Variants in EMP2 observed in about 807,000 individuals in gnomAD.
EMP2 encodes the protein epithelial membrane protein 2.
In EMP2, 19 loss-of-function variants were observed where a neutral mutation model predicts 13.7. The ratio of observed to expected loss-of-function variants is 1.38; its 90% CI spans 0.97 to 2.03. The LOEUF (loss-of-function observed/expected upper bound fraction) is 2.03, where lower values mean the gene tolerates loss of function less well. Among genes scored for constraint, EMP2 ranks in the 30% most tolerant of loss-of-function variants. The pLI, the probability that EMP2 is intolerant of heterozygous loss-of-function variation, is 0.00. For missense variants in EMP2, 253 were observed against 220.7 expected, an observed-to-expected ratio of 1.15 and a Z score of -0.93; for synonymous variants, 97 against 84.7, an observed-to-expected ratio of 1.15 and a Z score of -0.80.
At chr16:10,579,708 GCACACACACACACACA>G (rs71133370) in intron 1 of EMP2, among the ~76,000 whole-genome samples, 1 of 146,668 alleles carries the variant, frequency 6.8e-6, no homozygotes, top group African/African-American at 2.6e-5. Flanking sequence ...AGATCAAGGT[GCACACACACACACACA>G]CACACACACA....
At chr16:10,558,250 C>T (rs1366053116) in intron 1 of EMP2, among the ~76,000 whole-genome samples, 1 of 152,128 alleles carries the variant, frequency 6.6e-6, no homozygotes, top group East Asian at 1.9e-4. Context: ...TGGTCTCAAA[C>T]TCCTGGCCTC....
intron 1 of EMP2, among the ~76,000 whole-genome samples, chr16:10,548,231 G>A (rs186103295): frequency 5.9e-5 from 9 of 152,248 alleles, no homozygotes; most frequent in East Asian, 5.8e-4. Context: ...AAAGCATCAC[G>A]TCTCTTGGGC....
rs2050975171 is a variant in EMP2 at position 10,575,237 on chromosome 16, C to CTCTTTTTTT, written c.-61+5311_-61+5312insAAAAAAAGA. On this transcript the variant is annotated intron_variant, in intron 1 of 4. Coordinates refer to ENST00000359543, the MANE Select transcript of EMP2 (RefSeq NM_001424.6). ...TGGCCTTGGTCCTGGAGCTTGCATT[C>CTCTTTTTTT]TTTTTTTTTTTTTTTTTTTTTTTTT... Among the ~76,000 whole-genome samples the CTCTTTTTTT allele has an allele frequency of 5.7e-5, 3 of 52,500 alleles. 1 individual carries two copies. The highest frequency in any genetic ancestry group is 1.1e-4 in the Non-Finnish European group (3 of 27,436). 34.4% of individuals were successfully genotyped at this position (52,500 alleles called of 152,430 possible).
intron 2 of EMP2, chr16:10,546,187 T>C (rs2050737101): frequency 6.6e-6 from 1 of 152,230 alleles, no homozygotes; most frequent in Non-Finnish European, 1.5e-5. Flanking sequence ...ATAGTTTATG[T>C]TACTATTGTC....
intron 3 of EMP2, among the ~76,000 whole-genome samples, chr16:10,541,254 T>G (rs964147051): frequency 6.7e-6 from 1 of 150,046 alleles, no homozygotes; most frequent in African/African-American, 2.5e-5. Flanking sequence ...TACAGTAGAT[T>G]TATGTACAGA....
chr16:10,552,054 T>C (rs1422974697), intron 1 of EMP2, among the ~76,000 whole-genome samples: 1 of 151,978 alleles, frequency 6.6e-6, no homozygotes, highest in African/African-American at 2.4e-5. Flanking sequence ...CAAATTCCCC[T>C]TTGTTTAGGC....
chr16:10,566,476 C>T (rs1333754636), intron 1 of EMP2, among the ~76,000 whole-genome samples: 2 of 152,166 alleles, frequency 1.3e-5, no homozygotes, highest in African/African-American at 4.8e-5. Flanking sequence ...AGCTAAGACT[C>T]CCCCCTTGAT....
intron 3 of EMP2, 145 bp downstream of exon 3, chr16:10,543,425 C>G (rs1388482079): frequency 5.7e-6 from 5 of 870,616 alleles, no homozygotes; most frequent in Non-Finnish European, 9.2e-6. Flanking sequence ...TCCGCTCCAG[C>G]ACACACTGAG....
intron 3 of EMP2, among the ~76,000 whole-genome samples, chr16:10,540,316 G>T (rs1228385818): frequency 6.6e-6 from 1 of 152,110 alleles, no homozygotes; most frequent in Non-Finnish European, 1.5e-5. Flanking sequence ...GACCAGCCTG[G>T]CCAATATGGC....
At chr16:10,572,991 G>T (rs1596383144) in intron 1 of EMP2, among the ~76,000 whole-genome samples, 1 of 152,334 alleles carries the variant, frequency 6.6e-6, no homozygotes, top group Non-Finnish European at 1.5e-5. Flanking sequence ...TTCTATGAGA[G>T]AAACAGAACC....
chr16:10,556,929 A>G (rs9921321), intron 1 of EMP2, among the ~76,000 whole-genome samples: 385 of 152,368 alleles, frequency 2.5e-3, no homozygotes, highest in African/African-American at 8.8e-3. Flanking sequence ...GGCACAAGGC[A>G]GTATCAAATC....
intron 3 of EMP2, among the ~76,000 whole-genome samples, chr16:10,541,886 A>G (rs913626764): frequency 7.2e-5 from 11 of 152,148 alleles, no homozygotes; most frequent in African/African-American, 2.7e-4. Context: ...GAGATCACCT[A>G]TGTAAAGGAC....
chr16:10,548,154 G>A (rs972229386), intron 1 of EMP2, among the ~76,000 whole-genome samples: 1 of 152,176 alleles, frequency 6.6e-6, no homozygotes, highest in Non-Finnish European at 1.5e-5. Context: ...GTCTGCTGTT[G>A]CATCCAGACG....
intron 1 of EMP2, among the ~76,000 whole-genome samples, chr16:10,565,408 G>A (rs915756310): frequency 6.6e-6 from 1 of 152,116 alleles, no homozygotes; most frequent in Admixed American, 6.5e-5. Flanking sequence ...TGACTTCCTC[G>A]GAACAAGAAG....
rs180960697 is a variant in EMP2, at chr16:10,539,683, C to T, written c.170-1609G>A. 3.5e-4 allele frequency among the ~76,000 whole-genome samples: 54 copies of T among 152,142 alleles called. 1 individual carries two copies. In the East Asian group the frequency reaches 0.01, roughly 28 times the overall value. ...CCACCAAACTGAGCCCTTAAGAAGC[C>T]TGCGTTTCCTTGTTTGTAAATTATA... is the stretch of plus-strand genomic sequence containing the variant. On this transcript the variant is annotated intron_variant, in intron 3 of 4. Transcript: ENST00000359543.
chr16:10,541,534 G>A (rs2050698841), intron 3 of EMP2, among the ~76,000 whole-genome samples: 3 of 152,314 alleles, frequency 2.0e-5, no homozygotes, highest in South Asian at 4.1e-4. Flanking sequence ...AGAAAAATAA[G>A]TGAATAATCC....
chr16:10,538,596 G>T (rs1164667995), intron 3 of EMP2, among the ~76,000 whole-genome samples: 1 of 152,176 alleles, frequency 6.6e-6, no homozygotes, highest in Non-Finnish European at 1.5e-5. Flanking sequence ...GAGGAGGAAA[G>T]CTCCTTTCTT....
At chr16:10,567,925 G>C (rs1251164463) in intron 1 of EMP2, among the ~76,000 whole-genome samples, 1 of 152,206 alleles carries the variant, frequency 6.6e-6, no homozygotes, top group African/African-American at 2.4e-5. Context: ...GAAAACGGAG[G>C]GGTAGCGAGG....
intron 1 of EMP2, among the ~76,000 whole-genome samples, chr16:10,574,627 C>T (rs1049186270): frequency 6.6e-6 from 1 of 152,044 alleles, no homozygotes; most frequent in Middle Eastern, 3.2e-3. Context: ...GGCACAATCT[C>T]GGCTCACTGC....
Sources: gnomAD v4.1 joint callset for allele counts (sites outside exome capture counted in the v4.1 genomes callset) on GRCh38, gnomAD v4.1.1 for gene constraint, MANE v1.5 for transcripts, NCBI Gene and HGNC (gene_info 2026-07-23, HGNC 2026-07-21) for gene names.